The following SNX10 variants were observed in gnomAD, a reference collection of about 807,000 sequenced individuals.
SNX10 encodes sorting nexin 10.
A neutral mutation model predicts 28.5 loss-of-function variants in SNX10; 25 were observed. The ratio of observed to expected loss-of-function variants is 0.88; its 90% confidence interval spans 0.64 to 1.22. The LOEUF (loss-of-function observed/expected upper bound fraction) is 1.22, where lower values mean the gene tolerates loss of function less well. Ranked by LOEUF, SNX10 falls within the 50% of genes most tolerant of loss-of-function variation. The pLI is 0.00. For missense variants in SNX10, 223 were observed against 242.6 expected (o/e 0.92, Z 0.54); for synonymous variants, 62 against 81.4 (o/e 0.76, Z 1.28).
intron 1 of SNX10, among the ~76,000 whole-genome samples, chr7:26,331,261 T>A (rs1210935674): frequency 6.6e-6 from 1 of 152,112 alleles, no homozygotes; most frequent in Non-Finnish European, 1.5e-5. Flanking sequence ...TATTGATACA[T>A]GATCCACATA....
At chr7:26,344,175 ATTTTTTTT>A (rs35200460) in intron 1 of SNX10, among the ~76,000 whole-genome samples, 8 of 114,110 alleles carry the variant, frequency 7.0e-5, no homozygotes, top group African/African-American at 2.9e-4. Flanking sequence ...CTGTCTCTGA[ATTTTTTTT>A]TTTTTTTTTT....
At chr7:26,313,877 G>T (rs1336862876) in intron 1 of SNX10, among the ~76,000 whole-genome samples, 1 of 152,122 alleles carries the variant, frequency 6.6e-6, no homozygotes, top group Non-Finnish European at 1.5e-5. Flanking sequence ...CGCGATCTCG[G>T]CTCACTGCAA....
intron 1 of SNX10, among the ~76,000 whole-genome samples, chr7:26,310,784 G>A (rs1164705445): frequency 1.3e-5 from 2 of 151,622 alleles, no homozygotes; most frequent in African/African-American, 2.4e-5. Flanking sequence ...TGGGGTTCAC[G>A]CCATTCTCCT....
intron 5 of SNX10, among the ~76,000 whole-genome samples, chr7:26,371,178 T>C (rs10281413): frequency 0.015 from 2,221 of 152,198 alleles, 51 homozygotes; most frequent in African/African-American, 0.05. Context: ...ATTATATATA[T>C]GGTAAAGTTG....
intron 5 of SNX10, among the ~76,000 whole-genome samples, chr7:26,370,050 C>T (rs529932997): frequency 6.6e-6 from 1 of 152,142 alleles, no homozygotes; most frequent in Non-Finnish European, 1.5e-5. Flanking sequence ...TTAAAGATTA[C>T]CCATTATTTT....
chr7:26,291,862 A>T lies in SNX10; in HGVS notation c.-248A>T, dbSNP rs1381572880. 6.7e-6 allele frequency: 1 copy of T among 149,460 alleles called. No individual in the cohort carries two copies. Among genetic ancestry groups the T allele is most frequent in the South Asian group, 2.1e-4 (1 of 4,754 alleles). 9.3% of individuals were successfully genotyped at this position (149,460 alleles called of 1,614,324 possible). Reference sequence around the variant, plus strand: ...TGGGCTGCGCGGAGGCGGCGGAAGCACTAGGCGCGGCGCCCACAGGCGGAC... The same window carrying T: ...TGGGCTGCGCGGAGGCGGCGGAAGCTCTAGGCGCGGCGCCCACAGGCGGAC... On this transcript the variant is annotated 5_prime_UTR_variant, in exon 1 of 7. Coordinates refer to ENST00000338523, the MANE Select transcript of SNX10 (RefSeq NM_013322.3).
At chr7:26,320,075 G>A (rs925211802) in intron 1 of SNX10, among the ~76,000 whole-genome samples, 2 of 151,810 alleles carry the variant, frequency 1.3e-5, no homozygotes, top group Non-Finnish European at 1.5e-5. Flanking sequence ...TCCACCTCCC[G>A]GGTTCAAGCG....
intron 2 of SNX10, chr7:26,356,906 TA>T (rs765120025): frequency 2.8e-5 from 6 of 217,034 alleles, no homozygotes; most frequent in Non-Finnish European, 5.7e-5. Flanking sequence ...CTAAATAACT[TA>T]TCATTAATTC....
chr7:26,328,707 A>G (rs1369557949), intron 1 of SNX10, among the ~76,000 whole-genome samples: 1 of 152,132 alleles, frequency 6.6e-6, no homozygotes. Context: ...TGTGCACTTC[A>G]AGGCCAGCCC....
chr7:26,360,163 G>A (rs542398917), intron 2 of SNX10, among the ~76,000 whole-genome samples: 1 of 152,280 alleles, frequency 6.6e-6, no homozygotes, highest in East Asian at 1.9e-4. Flanking sequence ...CTATTAATAA[G>A]TTATTATCGC....
At chr7:26,350,728 T>G (rs1788564855) in intron 2 of SNX10, among the ~76,000 whole-genome samples, 1 of 145,266 alleles carries the variant, frequency 6.9e-6, no homozygotes, top group African/African-American at 2.5e-5. Flanking sequence ...TACTCAGTTA[T>G]TAAGTGTTCC....
intron 1 of SNX10, among the ~76,000 whole-genome samples, chr7:26,342,240 T>C (rs190645167): frequency 1.8e-3 from 268 of 152,270 alleles, no homozygotes; most frequent in African/African-American, 6.4e-3. Flanking sequence ...TTTGCCAGGC[T>C]GGTCTCAAAC....
At chr7:26,317,167 TATG>T (rs1720056158) in intron 1 of SNX10, among the ~76,000 whole-genome samples, 1 of 152,170 alleles carries the variant, frequency 6.6e-6, no homozygotes. Context: ...CTTTTATTCT[TATG>T]ATAAGAGTTA....
intron 2 of SNX10, among the ~76,000 whole-genome samples, chr7:26,350,089 C>T (rs1385176440): frequency 6.6e-6 from 1 of 152,208 alleles, no homozygotes; most frequent in African/African-American, 2.4e-5. Context: ...GTGCATATCT[C>T]CCCTGCTCTC....
chr7:26,349,924 C>T (rs879510351), intron 2 of SNX10, among the ~76,000 whole-genome samples: 22 of 152,190 alleles, frequency 1.4e-4, no homozygotes, highest in African/African-American at 3.4e-4. Context: ...TTCATGGAGT[C>T]GGACATTCTT....
chr7:26,331,145 GTC>G (rs1243502381), intron 1 of SNX10, among the ~76,000 whole-genome samples: 2 of 142,470 alleles, frequency 1.4e-5, no homozygotes, highest in Non-Finnish European at 3.1e-5. Flanking sequence ...AGTGAGACCT[GTC>G]TCTAATAAAA....
At chr7:26,360,688 C>A in intron 2 of SNX10, 1 of 379,050 alleles carries the variant, frequency 2.6e-6, no homozygotes, top group Non-Finnish European at 4.2e-6. Context: ...AATTAAAAAT[C>A]AGTTTTACAG....
chr7:26,296,050 G>A (rs1461629527), intron 1 of SNX10, among the ~76,000 whole-genome samples: 4 of 152,144 alleles, frequency 2.6e-5, no homozygotes, highest in South Asian at 4.1e-4. Flanking sequence ...TGGGAGGATC[G>A]CTTGAGCCCA....
chr7:26,372,118 C>G, intron 6 of SNX10, 85 bp downstream of exon 6: 1 of 874,008 alleles, frequency 1.1e-6, no homozygotes, highest in East Asian at 2.7e-5. Context: ...TATATATACA[C>G]ACTTCACTTT....
Sources: allele counts gnomAD v4.1 joint callset (sites outside exome capture counted in the v4.1 genomes callset), GRCh38; gene constraint gnomAD v4.1.1; transcripts MANE v1.5; gene names NCBI Gene and HGNC (gene_info 2026-07-23, HGNC 2026-07-21).